Variants in LRRC7 observed in about 807,000 individuals in gnomAD.
LRRC7 encodes the protein leucine-rich repeat-containing protein 7.
Under a neutral mutation model 175.7 loss-of-function variants are expected in LRRC7, and 23 were observed. That is an observed-to-expected ratio of 0.13 (90% CI 0.09 to 0.19). The LOEUF (loss-of-function observed/expected upper bound fraction) is 0.19, where lower values mean the gene tolerates loss of function less well. Among genes scored for constraint, LRRC7 ranks in the 10% least tolerant of loss-of-function variants. The pLI is 1.00. For synonymous variants in LRRC7, 685 were observed against 680.9 expected, an observed-to-expected ratio of 1.01 and a Z score of -0.09; for missense variants, 1,354 against 1,904.7, an observed-to-expected ratio of 0.71 and a Z score of 5.38.
intron 7 of LRRC7, among the ~76,000 whole-genome samples, chr1:69,859,958 G>A (rs1684182541): frequency 6.6e-6 from 1 of 151,936 alleles, no homozygotes; most frequent in Non-Finnish European, 1.5e-5. Context: ...GATTTACACT[G>A]AATATCTCTA....
intron 2 of LRRC7, among the ~76,000 whole-genome samples, chr1:69,687,077 T>C (rs1261407576): frequency 1.3e-5 from 2 of 152,216 alleles, no homozygotes. Context: ...TTTACAAATA[T>C]GTATTTTCTT....
chr1:69,625,009 A>G (rs994643604), intron 1 of LRRC7, among the ~76,000 whole-genome samples: 4 of 152,122 alleles, frequency 2.6e-5, no homozygotes, highest in African/African-American at 7.2e-5. Flanking sequence ...TTTAGAAACA[A>G]TTCGTCAAAG....
At chr1:70,012,401 T>C (rs1412223842) in intron 12 of LRRC7, among the ~76,000 whole-genome samples, 1 of 151,894 alleles carries the variant, frequency 6.6e-6, no homozygotes, top group African/African-American at 2.4e-5. Flanking sequence ...ATCAAAAAAG[T>C]ATAAAGTACA....
chr1:69,719,460 A>G (rs1020480864), intron 2 of LRRC7, among the ~76,000 whole-genome samples: 1 of 151,654 alleles, frequency 6.6e-6, no homozygotes, highest in Non-Finnish European at 1.5e-5. Context: ...CCTTAAATAA[A>G]CAAATAGGAC....
chr1:69,930,233 C>T (rs1204404101), intron 7 of LRRC7, among the ~76,000 whole-genome samples: 1 of 152,036 alleles, frequency 6.6e-6, no homozygotes, highest in Non-Finnish European at 1.5e-5. Flanking sequence ...CTGCCATACC[C>T]CAGATCAGCA....
intron 1 of LRRC7, among the ~76,000 whole-genome samples, chr1:69,570,564 A>G (rs963440976): frequency 1.2e-4 from 19 of 152,088 alleles, no homozygotes; most frequent in Admixed American, 1.1e-3. Context: ...GTGATTCGCA[A>G]CAGATTACAC....
chr1:69,830,184 T>C (rs1680366603), intron 5 of LRRC7, among the ~76,000 whole-genome samples: 1 of 151,814 alleles, frequency 6.6e-6, no homozygotes, highest in South Asian at 2.1e-4. Context: ...TGCTGTAGGA[T>C]ACATTCTCAA....
chr1:69,718,005 AAGAGAAGC>A (rs1665809873), intron 2 of LRRC7, among the ~76,000 whole-genome samples: 3 of 149,410 alleles, frequency 2.0e-5, no homozygotes, highest in Admixed American at 6.7e-5. Flanking sequence ...AAAGAAAGAA[AAGAGAAGC>A]AGAGACTAGA....
chr1:70,120,551 G>C (rs1049464006), intron 26 of LRRC7, among the ~76,000 whole-genome samples: 1 of 151,932 alleles, frequency 6.6e-6, no homozygotes, highest in African/African-American at 2.4e-5. Context: ...ATATAATGCT[G>C]CTTTAAATTT....
At chr1:69,710,780 T>A (rs890648104) in intron 2 of LRRC7, among the ~76,000 whole-genome samples, 34 of 152,126 alleles carry the variant, frequency 2.2e-4, no homozygotes, top group African/African-American at 8.0e-4. Context: ...TCAGATTATA[T>A]TTAAATCTGT....
At chr1:69,980,316 G>C (rs1195181923) in intron 8 of LRRC7, 63 bp from the exon 9 acceptor site, 2 of 1,281,936 alleles carry the variant, frequency 1.6e-6, no homozygotes, top group African/African-American at 2.9e-5. Flanking sequence ...TCTTATGTTT[G>C]TGATAAGTAA....
intron 7 of LRRC7, chr1:69,919,936 TG>T: frequency 1.6e-6 from 1 of 631,666 alleles, no homozygotes; most frequent in East Asian, 3.0e-5. Context: ...CAGTATTTAT[TG>T]TTACCAAAAT....
intron 24 of LRRC7, among the ~76,000 whole-genome samples, chr1:70,078,792 A>ACGCGCGCGCG (rs141606062): frequency 3.4e-5 from 5 of 146,592 alleles, no homozygotes; most frequent in Non-Finnish European, 7.5e-5. Context: ...TTCTACATAT[A>ACGCGCGCGCG]CGCGCGCGCG....
intron 4 of LRRC7, among the ~76,000 whole-genome samples, chr1:69,813,530 A>C (rs957971436): frequency 1.6e-4 from 24 of 152,038 alleles, no homozygotes; most frequent in Non-Finnish European, 2.9e-4. Context: ...TTCTGAAAAA[A>C]CTAAAGCTCA....
At chr1:69,697,921 G>A (rs1050546894) in intron 2 of LRRC7, among the ~76,000 whole-genome samples, 1 of 152,150 alleles carries the variant, frequency 6.6e-6, no homozygotes, top group African/African-American at 2.4e-5. Flanking sequence ...GGCCTTGGAG[G>A]CAAAACCAAA....
chr1:69,702,393 T>C (rs1663472229), intron 2 of LRRC7, among the ~76,000 whole-genome samples: 1 of 152,194 alleles, frequency 6.6e-6, no homozygotes, highest in Non-Finnish European at 1.5e-5. Flanking sequence ...TTTTGTGGCA[T>C]CTTGTTATTA....
chr1:69,973,816 C>T lies in LRRC7; in HGVS notation c.712-6563C>T, dbSNP rs538334727. Among the ~76,000 whole-genome samples, 9 of 152,224 alleles carry T rather than the reference C, an allele frequency of 5.9e-5. No homozygotes were observed. In the South Asian group the frequency reaches 1.2e-3, roughly 21 times the overall value. On this transcript the variant is annotated intron_variant, in intron 8 of 26. Transcript: ENST00000651989. ...GGCCAGGCTGGTCTCAAACTCCTGA[C>T]CTCAGGTGATCCGCCCACCTCAGCC... is the stretch of plus-strand genomic sequence containing the variant.
chr1:70,005,113 T>A (rs1655885133), intron 11 of LRRC7, among the ~76,000 whole-genome samples: 4 of 152,222 alleles, frequency 2.6e-5, no homozygotes. Context: ...GGGTTTTGCA[T>A]ATATTTACTC....
At chr1:69,609,851 A>T (rs1177351584) in intron 1 of LRRC7, among the ~76,000 whole-genome samples, 1 of 152,112 alleles carries the variant, frequency 6.6e-6, no homozygotes, top group East Asian at 1.9e-4. Flanking sequence ...TAGAAATGAG[A>T]TGACTCATAC....
Sources: gnomAD v4.1 joint callset for allele counts (sites outside exome capture counted in the v4.1 genomes callset) on GRCh38, gnomAD v4.1.1 for gene constraint, MANE v1.5 for transcripts, NCBI Gene and HGNC (gene_info 2026-07-23, HGNC 2026-07-21) for gene names.